PLCZ1: variants seen among roughly 807,000 people sequenced by gnomAD.
PLCZ1 encodes phospholipase C zeta 1.
A neutral mutation model predicts 76.8 loss-of-function variants in PLCZ1; 64 were observed. That is an observed-to-expected ratio of 0.83 (90% CI 0.68 to 1.03). PLCZ1 has a LOEUF of 1.03. Among genes scored for constraint, PLCZ1 ranks in the 50% least tolerant of loss-of-function variants. PLCZ1 has a pLI of 0.00. For synonymous variants in PLCZ1, 248 were observed against 230.8 expected (o/e 1.07, Z -0.68); for missense variants, 751 against 713.7 (o/e 1.05, Z -0.60).
intron 6 of PLCZ1, among the ~76,000 whole-genome samples, chr12:18,710,055 T>C (rs1212120263): frequency 6.6e-6 from 1 of 151,720 alleles, no homozygotes; most frequent in African/African-American, 2.4e-5. Context: ...GGGTTTTTTG[T>C]GTGGAATCGT....
chr12:18,649,876 T>C, the PLCZ1 span, among the ~76,000 whole-genome samples: 5 of 152,138 alleles, frequency 3.3e-5, no homozygotes, highest in African/African-American at 1.2e-4. Context: ...CTTCGTTGCC[T>C]TTTTGTTTCT....
Position 18,705,290 on chromosome 12 carries a change from G to C in PLCZ1, c.740C>G (p.Ser247Cys), listed in dbSNP as rs1165570426. 4 of 1,614,106 alleles carry C rather than the reference G, an allele frequency of 2.5e-6. No homozygotes were observed. The highest frequency in any genetic ancestry group is 3.4e-6 in the Non-Finnish European group (4 of 1,180,008). ...FMTSDYPVVL[S>C]LENHCSTAQQ... is the part of the protein sequence containing the mutation. ...GGCAGTGGAGCAGTGATTTTCTAAA[G>C]AGAGCACCACTGGGTAGTCAGATGT... The change falls in exon 7 of 15, where the codon TCT becomes TGT. Residue 247 changes from serine to cysteine, a missense_variant. Transcript: ENST00000266505.
At chr12:18,667,761 T>C in the PLCZ1 span, among the ~76,000 whole-genome samples, 3 of 152,214 alleles carry the variant, frequency 2.0e-5, no homozygotes, top group South Asian at 6.2e-4. Context: ...AATGAAACTC[T>C]ATAAAGTTAA....
chr12:18,732,566 C>T (rs931784942), intron 3 of PLCZ1, among the ~76,000 whole-genome samples: 2 of 152,146 alleles, frequency 1.3e-5, no homozygotes, highest in African/African-American at 4.8e-5. Context: ...TTCAGTAGCT[C>T]GCTGGGACTT....
intron 12 of PLCZ1, chr12:18,692,683 G>A: frequency 2.8e-6 from 2 of 702,596 alleles, no homozygotes; most frequent in Non-Finnish European, 4.8e-6. Flanking sequence ...ATTGAAATCA[G>A]TAAAGAACAA....
intron 2 of PLCZ1, chr12:18,736,587 T>TTGAGAATA (rs2150772260): frequency 7.8e-7 from 1 of 1,287,340 alleles, no homozygotes; most frequent in Non-Finnish European, 1.0e-6. Flanking sequence ...AAGTTAAAAT[T>TTGAGAATA]TGAGAATTGA....
chr12:18,651,623 TTCTAGACCACAG>T, the PLCZ1 span, among the ~76,000 whole-genome samples: 1 of 152,042 alleles, frequency 6.6e-6, no homozygotes, highest in Non-Finnish European at 1.5e-5. Context: ...AAAGCCCTCA[TTCTAGACCACAG>T]TCTAGGTACC....
chr12:18,653,409 C>T, the PLCZ1 span, among the ~76,000 whole-genome samples: 2 of 152,234 alleles, frequency 1.3e-5, no homozygotes, highest in African/African-American at 2.4e-5. Flanking sequence ...ATCTTGAATA[C>T]TCTCAATGCA....
the PLCZ1 span, among the ~76,000 whole-genome samples, chr12:18,663,340 A>G: frequency 6.6e-6 from 1 of 152,110 alleles, no homozygotes; most frequent in African/African-American, 2.4e-5. Flanking sequence ...GTCCAGAAAA[A>G]CTGTTAGAAT....
the PLCZ1 span, among the ~76,000 whole-genome samples, chr12:18,677,701 A>T: frequency 1.3e-5 from 2 of 152,124 alleles, no homozygotes; most frequent in Non-Finnish European, 2.9e-5. Flanking sequence ...CAGTATTTTT[A>T]AAATGTTCTA....
intron 13 of PLCZ1, among the ~76,000 whole-genome samples, chr12:18,687,228 T>G (rs1953290347): frequency 6.6e-6 from 1 of 152,000 alleles, no homozygotes; most frequent in East Asian, 1.9e-4. Flanking sequence ...TTCAGGGGAG[T>G]GCAAAGGAGG....
chr12:18,692,001 G>A (rs1954163603), intron 12 of PLCZ1, among the ~76,000 whole-genome samples: 2 of 152,140 alleles, frequency 1.3e-5, no homozygotes, highest in Admixed American at 1.3e-4. Flanking sequence ...AGTAGACGTG[G>A]AGTGTAGCTT....
At position 18,723,475 on chromosome 12, in the gene PLCZ1, G is replaced by A. The variant is rs753931496; in HGVS notation, c.203C>T (p.Thr68Met). ...EEFRAIYRII[T>M]HREEIIEIFN... ...AATCTCAATAATTTCTTCTCTGTGC[G>A]TGATAATTCGATAAATTGCTCTAAA... The change falls in exon 4 of 15, where the codon ACG (threonine) becomes ATG (methionine). Residue 68 changes from threonine to methionine, a missense_variant. Thr to Met is a moderately conservative substitution (Grantham distance 81). Transcript: ENST00000266505. 42 of 1,612,722 alleles carry A rather than the reference G, an allele frequency of 2.6e-5. No individual in the cohort carries two copies. The highest frequency in any genetic ancestry group is 5.3e-5 in the African/African-American group (4 of 74,834).
At chr12:18,651,628 G>C in the PLCZ1 span, among the ~76,000 whole-genome samples, 1 of 152,008 alleles carries the variant, frequency 6.6e-6, no homozygotes, top group South Asian at 2.1e-4. Context: ...CCTCATTCTA[G>C]ACCACAGTCT....
intron 12 of PLCZ1, chr12:18,692,998 T>C (rs1285511136): frequency 7.1e-7 from 1 of 1,406,722 alleles, no homozygotes; most frequent in Non-Finnish European, 1.0e-6. Flanking sequence ...TATCTTCTCA[T>C]GGAGGAAGAA....
chr12:18,711,423 T>C (rs371643842), intron 6 of PLCZ1, among the ~76,000 whole-genome samples: 32 of 146,068 alleles, frequency 2.2e-4, no homozygotes, highest in Middle Eastern at 7.0e-3. Flanking sequence ...TTAGGAGATA[T>C]ACCTAATGCT....
rs763104226 is a variant in PLCZ1, at chr12:18,688,086, C to T, written c.1591+3G>A. On this transcript the variant is annotated splice_donor_region_variant and intron_variant, in intron 13 of 14. Coordinates refer to ENST00000266505, the MANE Select transcript of PLCZ1 (RefSeq NM_033123.4). ...AATTCAATAAGGTATATCAGGAGCT[C>T]ACCATTTTTTTTAATTACACGAGTC... 6.2e-7 allele frequency: 1 copy of T among 1,610,458 alleles called. No individual in the cohort carries two copies. Among genetic ancestry groups the T allele is most frequent in the Non-Finnish European group, 8.5e-7 (1 of 1,178,702 alleles).
At chr12:18,660,171 C>A in the PLCZ1 span, among the ~76,000 whole-genome samples, 1 of 152,100 alleles carries the variant, frequency 6.6e-6, no homozygotes, top group Non-Finnish European at 1.5e-5. Flanking sequence ...AATTTCAGTA[C>A]ATTTAGGTCA....
rs751060116 is a variant in PLCZ1, at chr12:18,694,911, C to T, written c.1460G>A (p.Arg487Lys). The T allele has an allele frequency of 2.5e-6, 4 of 1,585,044 alleles. No homozygotes were observed. Among genetic ancestry groups the T allele is most frequent in the Admixed American group, 1.7e-5 (1 of 59,616 alleles). ...TAAAAGAAAATTTATTAATCTTACC[C>T]TTATTGTAAGTGTAATTGGCATACC... Reference protein sequence around the residue: ...KEGMPITLTIRLISGIQLPLT... With the variant: ...KEGMPITLTIKLISGIQLPLT... The change falls in exon 12 of 15, where the codon AGG (arginine) becomes AAG (lysine). Residue 487 changes from arginine to lysine, a missense_variant and splice_region_variant. By Grantham distance (26) the Arg-to-Lys change is conservative. Transcript: ENST00000266505.
Sources: allele counts gnomAD v4.1 joint callset (sites outside exome capture counted in the v4.1 genomes callset), GRCh38; gene constraint gnomAD v4.1.1; transcripts MANE v1.5; gene names NCBI Gene and HGNC (gene_info 2026-07-23, HGNC 2026-07-21).